Variants in NRG3 observed in about 807,000 individuals in gnomAD.
The protein encoded by NRG3 is pro-neuregulin-3, membrane-bound isoform.
Under a neutral mutation model 66.9 loss-of-function variants are expected in NRG3, and 31 were observed. The ratio of observed to expected loss-of-function variants is 0.46; its 90% CI spans 0.35 to 0.63. The LOEUF is 0.63. Ranked by LOEUF, NRG3 falls within the 20% of genes least tolerant of loss-of-function variation. NRG3 has a pLI of 0.00. For missense variants in NRG3, 910 were observed against 878.9 expected (o/e 1.04, Z -0.45); for synonymous variants, 393 against 359.4 (o/e 1.09, Z -1.06).
chr10:81,958,346 AT>A (rs1850036682), intron 1 of NRG3, among the ~76,000 whole-genome samples: 1 of 152,210 alleles, frequency 6.6e-6, no homozygotes, highest in Admixed American at 6.5e-5. Context: ...AGCTATTGTT[AT>A]GTTTTTCAAA....
chr10:82,688,146 T>C (rs1291557150), intron 2 of NRG3, among the ~76,000 whole-genome samples: 1 of 152,218 alleles, frequency 6.6e-6, no homozygotes, highest in Non-Finnish European at 1.5e-5. Flanking sequence ...ATATAAGTCA[T>C]TGTTTGTATC....
At chr10:82,459,570 A>G (rs531750019) in intron 2 of NRG3, among the ~76,000 whole-genome samples, 1 of 152,302 alleles carries the variant, frequency 6.6e-6, no homozygotes, top group African/African-American at 2.4e-5. Flanking sequence ...TTTCTGCCGG[A>G]GAAAAGAAAA....
At position 82,973,665 on chromosome 10, in the gene NRG3, C is replaced by T. The variant is rs186381891; in HGVS notation, c.1285-123C>T. The stretch of plus-strand genomic sequence containing the variant: ...GACACAAATTATGTCTTATCTCCTG[C>T]TCCTCTAGTCAGGTGACCAGGAGGA... On this transcript the variant is annotated intron_variant, in intron 6 of 8. Transcript: ENST00000372141. 3.0e-4 allele frequency: 292 copies of T among 985,870 alleles called. 1 individual carries two copies. The African/African-American group carries it at 4.3e-3, about 14-fold the overall frequency. 61.1% of individuals were successfully genotyped at this position (985,870 alleles called of 1,614,324 possible). A position where few individuals can be genotyped will look rare whatever the true frequency, so the allele number is the denominator to read the frequency against.
Position 82,959,138 on chromosome 10 carries a change from T to C in NRG3, c.1284+63T>C. ...CCTCAGTGCTTCCAGCTCAGAGGTG[T>C]TGGGAGCCTGGGATCAGACTTGTAA... On this transcript the variant is annotated intron_variant, in intron 6 of 8. Transcript: ENST00000372141. 3.4e-6 allele frequency: 5 copies of C among 1,474,294 alleles called. No homozygotes were observed. In the South Asian group the frequency reaches 7.4e-5, roughly 22 times the overall value. 91.3% of individuals were successfully genotyped at this position (1,474,294 alleles called of 1,614,324 possible).
chr10:82,472,139 A>G (rs1468657777), intron 2 of NRG3, among the ~76,000 whole-genome samples: 1 of 152,176 alleles, frequency 6.6e-6, no homozygotes, highest in African/African-American at 2.4e-5. Flanking sequence ...ACCATGGTCA[A>G]ATTCTTAATA....
At chr10:82,020,807 T>C (rs772638864) in intron 1 of NRG3, among the ~76,000 whole-genome samples, 76 of 152,158 alleles carry the variant, frequency 5.0e-4, no homozygotes, top group Non-Finnish European at 7.9e-4. Context: ...AGTTTACTTA[T>C]TATAAATGTC....
intron 2 of NRG3, among the ~76,000 whole-genome samples, chr10:82,578,773 T>C (rs1261874789): frequency 6.6e-6 from 1 of 151,854 alleles, no homozygotes; most frequent in Admixed American, 6.6e-5. Flanking sequence ...AGAAAATCCC[T>C]GTGAGATAGG....
intron 2 of NRG3, among the ~76,000 whole-genome samples, chr10:82,532,110 G>A (rs924129969): frequency 1.3e-5 from 2 of 151,792 alleles, no homozygotes; most frequent in Admixed American, 6.6e-5. Flanking sequence ...GATATCCATC[G>A]CCTGAAGCAT....
intron 2 of NRG3, among the ~76,000 whole-genome samples, chr10:82,390,088 G>A (rs540551041): frequency 3.3e-5 from 5 of 152,142 alleles, no homozygotes; most frequent in East Asian, 1.9e-4. Flanking sequence ...ACCTCAATGC[G>A]TTTTTATGGG....
chr10:82,391,332 C>T (rs2086351128), intron 2 of NRG3, among the ~76,000 whole-genome samples: 1 of 152,090 alleles, frequency 6.6e-6, no homozygotes, highest in African/African-American at 2.4e-5. Flanking sequence ...ACAGAAAGAA[C>T]ACAAAAGAGG....
Position 82,263,480 on chromosome 10 carries a change from C to T in NRG3, c.824-95259C>T, listed in dbSNP as rs766535604. On this transcript the variant is annotated intron_variant, in intron 1 of 8. Coordinates refer to ENST00000372141, the MANE Select transcript of NRG3 (RefSeq NM_001010848.4). Reference sequence around the variant, plus strand: ...CTAATGGTTTTCTCTCTCAGTTATGCTCCTACCATTTATAAGCATTAATTT... The same window carrying T: ...CTAATGGTTTTCTCTCTCAGTTATGTTCCTACCATTTATAAGCATTAATTT... 5.3e-5 allele frequency among the ~76,000 whole-genome samples: 8 copies of T among 152,158 alleles called. No individual in the cohort carries two copies. The South Asian group carries it at 1.2e-3, about 24-fold the overall frequency.
intron 1 of NRG3, among the ~76,000 whole-genome samples, chr10:81,886,849 A>T (rs1842650878): frequency 6.6e-6 from 1 of 152,282 alleles, no homozygotes; most frequent in East Asian, 1.9e-4. Context: ...CCATGATATT[A>T]AGCTTTACTG....
intron 1 of NRG3, among the ~76,000 whole-genome samples, chr10:82,120,784 A>G (rs961557349): frequency 7.2e-5 from 11 of 152,092 alleles, no homozygotes; most frequent in Non-Finnish European, 1.3e-4. Flanking sequence ...ATTGAATTCC[A>G]TGGAGTCAGT....
chr10:82,883,034 C>A (rs1842433359), intron 4 of NRG3, among the ~76,000 whole-genome samples: 1 of 152,184 alleles, frequency 6.6e-6, no homozygotes, highest in Non-Finnish European at 1.5e-5. Flanking sequence ...AGAAAACAAG[C>A]ATACCCTTTC....
At chr10:82,442,813 T>TTTTTTTTTTTG (rs2090506044) in intron 2 of NRG3, among the ~76,000 whole-genome samples, 1 of 129,692 alleles carries the variant, frequency 7.7e-6, no homozygotes, top group African/African-American at 3.3e-5. Flanking sequence ...TTTTTTTTTT[T>TTTTTTTTTTTG]TTAGTGAAAT....
intron 1 of NRG3, among the ~76,000 whole-genome samples, chr10:82,199,352 T>C (rs548992976): frequency 1.3e-4 from 20 of 152,166 alleles, no homozygotes; most frequent in African/African-American, 4.3e-4. Context: ...ACCTGGAAGC[T>C]TCTCTCCCTG....
chr10:82,223,399 TG>T (rs2076027430), intron 1 of NRG3, among the ~76,000 whole-genome samples: 1 of 152,156 alleles, frequency 6.6e-6, no homozygotes, highest in Non-Finnish European at 1.5e-5. Context: ...ACCCTAGATC[TG>T]TATTTGGAAG....
intron 1 of NRG3, among the ~76,000 whole-genome samples, chr10:82,159,543 A>G (rs1255629503): frequency 1.3e-5 from 2 of 151,948 alleles, no homozygotes; most frequent in East Asian, 3.9e-4. Flanking sequence ...CTGTTCTCTC[A>G]TAGTACCCTG....
chr10:82,909,512 A>T (rs942966848), intron 4 of NRG3, among the ~76,000 whole-genome samples: 4 of 152,156 alleles, frequency 2.6e-5, no homozygotes, highest in African/African-American at 9.7e-5. Context: ...GGGGAAAAAA[A>T]AAGACCCTCC....
Sources: gnomAD v4.1 joint callset for allele counts (sites outside exome capture counted in the v4.1 genomes callset) on GRCh38, gnomAD v4.1.1 for gene constraint, MANE v1.5 for transcripts, NCBI Gene and HGNC (gene_info 2026-07-23, HGNC 2026-07-21) for gene names.